ATAD2B: variants seen among roughly 807,000 people sequenced by gnomAD.
The protein encoded by ATAD2B is ATPase family AAA domain-containing protein 2B.
In ATAD2B, 40 loss-of-function variants were observed where a neutral mutation model predicts 167.6. The ratio of observed to expected loss-of-function variants is 0.24; its 90% confidence interval spans 0.19 to 0.31. The LOEUF (loss-of-function observed/expected upper bound fraction) is 0.31. ATAD2B is among the 10% of genes least tolerant of loss of function. The probability of loss-of-function intolerance (pLI) is 1.00; values close to 1 mark genes in which losing one functional copy is unlikely to be tolerated. For missense variants in ATAD2B, 1,242 were observed against 1,757.2 expected, an observed-to-expected ratio of 0.71 and a Z score of 5.24; for synonymous variants, 579 against 596.5, an observed-to-expected ratio of 0.97 and a Z score of 0.43.
chr2:23,844,216 T>C (rs768218375), intron 13 of ATAD2B, among the ~76,000 whole-genome samples: 2 of 152,072 alleles, frequency 1.3e-5, no homozygotes, highest in East Asian at 1.9e-4. Context: ...CTGGGATTAC[T>C]GGCATGAGCC....
chr2:23,907,910 T>C (rs1206768618), intron 1 of ATAD2B, among the ~76,000 whole-genome samples: 2 of 152,114 alleles, frequency 1.3e-5, no homozygotes, highest in African/African-American at 4.8e-5. Context: ...ATTTAATAAA[T>C]GGTGCTGGGA....
At chr2:23,711,366 TTTTTTTTTTTTTTTTTG>T in the ATAD2B span, among the ~76,000 whole-genome samples, 1 of 113,572 alleles carries the variant, frequency 8.8e-6, no homozygotes, top group African/African-American at 3.9e-5. Flanking sequence ...TTTTTTTTTT[TTTTTTTTTTTTTTTTTG>T]GAGACAGAGT....
At chr2:23,857,088 T>C (rs1437382554) in intron 13 of ATAD2B, among the ~76,000 whole-genome samples, 1 of 151,986 alleles carries the variant, frequency 6.6e-6, no homozygotes, top group Non-Finnish European at 1.5e-5. Context: ...ACATAGTAAA[T>C]GTTTTAAACT....
chr2:23,785,380 C>G (rs1300024787), intron 21 of ATAD2B, among the ~76,000 whole-genome samples: 1 of 151,998 alleles, frequency 6.6e-6, no homozygotes, highest in Non-Finnish European at 1.5e-5. Flanking sequence ...AAACAAAAAC[C>G]AAAAATGTAG....
intron 6 of ATAD2B, among the ~76,000 whole-genome samples, chr2:23,881,518 C>T (rs919855026): frequency 1.3e-5 from 2 of 150,180 alleles, no homozygotes; most frequent in African/African-American, 4.9e-5. Flanking sequence ...CGTGCCACCA[C>T]GCCCGGCTCA....
chr2:23,692,551 C>G, the ATAD2B span, among the ~76,000 whole-genome samples: 1 of 152,194 alleles, frequency 6.6e-6, no homozygotes, highest in Non-Finnish European at 1.5e-5. Context: ...TCCGTGAGGA[C>G]AGAGGGGCAC....
rs1456914277 is a variant in ATAD2B at position 23,903,931 on chromosome 2, G to GGTT, written c.217-7964_217-7962dup. 5.0e-4 allele frequency among the ~76,000 whole-genome samples: 74 copies of GGTT among 149,126 alleles called. No homozygotes were observed. The South Asian group carries it at 5.1e-3, about 10-fold the overall frequency. On this transcript the variant is annotated intron_variant, in intron 1 of 27. Transcript: ENST00000238789. ...AGTAAGGGCAGGTATAAAAAGTGCC[G>GGTT]GTTGTTGTTGGTGGTGGTGGTGGTG...
the ATAD2B span, among the ~76,000 whole-genome samples, chr2:23,678,355 C>T: frequency 2.0e-5 from 3 of 152,088 alleles, no homozygotes; most frequent in East Asian, 1.9e-4. Context: ...GTCCATAACT[C>T]GGGGGTGAGA....
chr2:23,852,014 T>C (rs533308388), intron 13 of ATAD2B, among the ~76,000 whole-genome samples: 9 of 151,866 alleles, frequency 5.9e-5, no homozygotes, highest in Non-Finnish European at 1.2e-4. Context: ...AACAGAATAG[T>C]AGGAAAAAAT....
At chr2:23,783,723 C>T (rs1187837258) in intron 21 of ATAD2B, among the ~76,000 whole-genome samples, 1 of 151,870 alleles carries the variant, frequency 6.6e-6, no homozygotes, top group Non-Finnish European at 1.5e-5. Context: ...ATTGAGTATC[C>T]CTGACCAACA....
chr2:23,873,056 C>T, intron 8 of ATAD2B: 1 of 568,606 alleles, frequency 1.8e-6, no homozygotes, highest in East Asian at 3.1e-5. Context: ...TTTGATACTT[C>T]CCAACTCTTC....
At chr2:23,745,620 C>T (rs1411679348), downstream of ATAD2B, among the ~76,000 whole-genome samples, 2 of 152,314 alleles carry the variant, frequency 1.3e-5, no homozygotes, top group East Asian at 1.9e-4. Context: ...CCTAAGCATT[C>T]TCTATTTCAG....
At position 23,822,917 on chromosome 2, in the gene ATAD2B, C is replaced by CAAAA. The variant is rs33911389; in HGVS notation, c.2131+337_2131+340dup. Among the ~76,000 whole-genome samples, 134 of 66,104 alleles carry CAAAA rather than the reference C, an allele frequency of 2.0e-3. 2 individuals are homozygous for CAAAA. Among genetic ancestry groups the CAAAA allele is most frequent in the Middle Eastern group, 0.011 (1 of 92 alleles). 43.4% of individuals were successfully genotyped at this position (66,104 alleles called of 152,430 possible). ...GGGCAACAAGAGCGAAACTCCATCT[C>CAAAA]AAAAAAAAAAAAAAAAAAAAAAAAG... On this transcript the variant is annotated intron_variant, in intron 16 of 27. Transcript: ENST00000238789.
chr2:23,814,170 AG>A (rs1231287395), intron 17 of ATAD2B, among the ~76,000 whole-genome samples: 1 of 152,204 alleles, frequency 6.6e-6, no homozygotes, highest in Non-Finnish European at 1.5e-5. Flanking sequence ...ATGTATAAAG[AG>A]TTTATATGCA....
intron 18 of ATAD2B, among the ~76,000 whole-genome samples, chr2:23,804,464 A>G (rs1684012416): frequency 6.6e-6 from 1 of 152,200 alleles, no homozygotes; most frequent in East Asian, 1.9e-4. Flanking sequence ...TAAACTCAGA[A>G]GATGAGATGC....
intron 13 of ATAD2B, among the ~76,000 whole-genome samples, chr2:23,854,874 A>G (rs1693122966): frequency 6.6e-6 from 1 of 152,058 alleles, no homozygotes; most frequent in South Asian, 2.1e-4. Context: ...ACAAAGATAC[A>G]AGCCAGAACA....
At chr2:23,819,177 GA>G (rs1190267272) in intron 17 of ATAD2B, among the ~76,000 whole-genome samples, 1 of 151,964 alleles carries the variant, frequency 6.6e-6, no homozygotes, top group Non-Finnish European at 1.5e-5. Context: ...CTCCATGGGG[GA>G]AAAAATTTAC....
intron 17 of ATAD2B, among the ~76,000 whole-genome samples, chr2:23,814,777 T>G (rs1686169182): frequency 6.6e-6 from 1 of 152,082 alleles, no homozygotes; most frequent in Non-Finnish European, 1.5e-5. Flanking sequence ...GAATGTGGCC[T>G]GGCGCAGTGT....
At chr2:23,719,070 C>A in the ATAD2B span, among the ~76,000 whole-genome samples, 4 of 152,286 alleles carry the variant, frequency 2.6e-5, no homozygotes, top group East Asian at 7.7e-4. Context: ...TTTGGGGAGT[C>A]ATTATTCAGC....
Sources: gnomAD v4.1 joint callset for allele counts (sites outside exome capture counted in the v4.1 genomes callset) on GRCh38, gnomAD v4.1.1 for gene constraint, MANE v1.5 for transcripts, NCBI Gene and HGNC (gene_info 2026-07-23, HGNC 2026-07-21) for gene names.